Variants in EIF5B observed in about 807,000 individuals in gnomAD.
EIF5B encodes the protein eukaryotic translation initiation factor 5B.
Under a neutral mutation model 147.5 loss-of-function variants are expected in EIF5B, and 47 were observed. The ratio of observed to expected loss-of-function variants is 0.32; its 90% CI spans 0.25 to 0.41. EIF5B has a LOEUF of 0.41. Ranked by LOEUF, EIF5B falls within the 10% of genes least tolerant of loss-of-function variation. EIF5B has a pLI of 1.00. For synonymous variants in EIF5B, 455 were observed against 456.2 expected (o/e 1.00, Z 0.03); for missense variants, 1,064 against 1,413.2 (o/e 0.75, Z 3.96).
chr2:99,370,819 A>T (rs1461461065), intron 8 of EIF5B, among the ~76,000 whole-genome samples: 3 of 152,264 alleles, frequency 2.0e-5, no homozygotes, highest in Non-Finnish European at 4.4e-5. Context: ...TCTAAATAAT[A>T]TTCAGAATTT....
At chr2:99,351,298 T>G (rs1673947684) in intron 1 of EIF5B, among the ~76,000 whole-genome samples, 1 of 152,268 alleles carries the variant, frequency 6.6e-6, no homozygotes, top group South Asian at 2.1e-4. Context: ...TCCCTTTTGT[T>G]ACCCAGTAGT....
Position 99,401,057 on chromosome 2 carries a change from AAC to A in EIF5B, c.*1647_*1648del, listed in dbSNP as rs1675319587. ...GAATCTATGCTACAGTAAAATAATT[AAC>A]ACAATTATTTACATGCAATACTGAC... is the stretch of plus-strand genomic sequence containing the variant. On this transcript the variant is annotated 3_prime_UTR_variant, in exon 24 of 24. Transcript: ENST00000289371. 2.3e-6 allele frequency: 1 copy of A among 428,878 alleles called. No individual in the cohort carries two copies. Among genetic ancestry groups the A allele is most frequent in the Non-Finnish European group, 4.2e-6 (1 of 238,362 alleles). The allele number at this position is 428,878 out of a possible 1,614,324, so 26.6% of individuals were successfully genotyped here.
intron 1 of EIF5B, among the ~76,000 whole-genome samples, chr2:99,355,577 G>A (rs1327817297): frequency 7.3e-6 from 1 of 136,206 alleles, no homozygotes; most frequent in African/African-American, 2.7e-5. Context: ...TTCCCCCTCA[G>A]TTTTTCTGTT....
At chr2:99,363,991 C>A in intron 5 of EIF5B, 129 bp downstream of exon 5, 2 of 1,066,292 alleles carry the variant, frequency 1.9e-6, no homozygotes, top group East Asian at 2.5e-5. Context: ...ATTATTGTTC[C>A]GATACAAATA....
intron 6 of EIF5B, among the ~76,000 whole-genome samples, chr2:99,367,389 A>G (rs906706325): frequency 6.6e-6 from 1 of 151,964 alleles, no homozygotes; most frequent in Non-Finnish European, 1.5e-5. Flanking sequence ...AGAATGTTCT[A>G]AAAAAAGAGA....
chr2:99,376,698 ACT>A, intron 10 of EIF5B, 62 bp downstream of exon 10: 1 of 1,511,812 alleles, frequency 6.6e-7, no homozygotes, highest in Non-Finnish European at 8.8e-7. Flanking sequence ...TTAAAACAGT[ACT>A]CTACAACTAA....
rs1176869758 is a variant in EIF5B, at chr2:99,396,916, A to AT, written c.3393+20dup. 1 of 1,585,240 alleles carries AT rather than the reference A, an allele frequency of 6.3e-7. No individual in the cohort carries two copies. The highest frequency in any genetic ancestry group is 8.5e-7 in the Non-Finnish European group (1 of 1,170,902). On this transcript the variant is annotated intron_variant, in intron 22 of 23. Coordinates refer to ENST00000289371, the MANE Select transcript of EIF5B (RefSeq NM_015904.4). ...GCAAAAATGTAAGTTCTAGTTGTACATTCTGTGGGTCATTTCTTAAAGCAC... is the reference window on the plus strand; with the variant it reads ...GCAAAAATGTAAGTTCTAGTTGTACATTTCTGTGGGTCATTTCTTAAAGCAC...
intron 4 of EIF5B, among the ~76,000 whole-genome samples, chr2:99,362,483 G>A (rs1401653270): frequency 6.6e-6 from 1 of 151,974 alleles, no homozygotes; most frequent in Non-Finnish European, 1.5e-5. Context: ...GGCAGATCAC[G>A]AGGTCAGGAG....
intron 1 of EIF5B, among the ~76,000 whole-genome samples, chr2:99,349,531 A>T (rs773852630): frequency 2.0e-5 from 3 of 152,246 alleles, no homozygotes; most frequent in Non-Finnish European, 2.9e-5. Flanking sequence ...TGGTCTCAAG[A>T]TGAAGTATTT....
At chr2:99,377,246 A>T in intron 10 of EIF5B, among the ~76,000 whole-genome samples, 1 of 152,036 alleles carries the variant, frequency 6.6e-6, no homozygotes, top group East Asian at 1.9e-4. Context: ...GTGTATTATT[A>T]ATTTTTTAAT....
Position 99,401,000 on chromosome 2 carries a change from ATAAAACTT to A in EIF5B, c.*1589_*1596del, listed in dbSNP as rs1323203877. On this transcript the variant is annotated 3_prime_UTR_variant, in exon 24 of 24. Coordinates refer to ENST00000289371, the MANE Select transcript of EIF5B (RefSeq NM_015904.4). The stretch of plus-strand genomic sequence containing the variant: ...TGTAAACACTTCACTGTAAAAATCC[ATAAAACTT>A]TATAAACAAACATTTTGTAAATAGA... 12 of 292,630 alleles carry A rather than the reference ATAAAACTT, an allele frequency of 4.1e-5. No individual in the cohort carries two copies. The East Asian group carries it at 7.3e-4, about 18-fold the overall frequency. 18.1% of individuals were successfully genotyped at this position (292,630 alleles called of 1,614,324 possible).
intron 12 of EIF5B, among the ~76,000 whole-genome samples, chr2:99,380,681 T>C (rs1396462727): frequency 6.6e-6 from 1 of 152,226 alleles, no homozygotes; most frequent in Non-Finnish European, 1.5e-5. Context: ...GAGCATATGT[T>C]ATTATATGCT....
At chr2:99,376,202 T>C in intron 9 of EIF5B, 145 bp from the exon 10 acceptor site, 4 of 543,462 alleles carry the variant, frequency 7.4e-6, no homozygotes, top group Non-Finnish European at 1.3e-5. Context: ...TGTTAGTGTA[T>C]TTTATGTGTG....
chr2:99,382,083 G>A (rs990422529), intron 12 of EIF5B, 76 bp from the exon 13 acceptor site: 10 of 1,287,718 alleles, frequency 7.8e-6, no homozygotes, highest in African/African-American at 7.3e-5. Flanking sequence ...AGAGTTTTAT[G>A]GCAAAAGGAT....
At chr2:99,391,238 A>G (rs935391786) in intron 17 of EIF5B, among the ~76,000 whole-genome samples, 3 of 152,252 alleles carry the variant, frequency 2.0e-5, no homozygotes, top group East Asian at 1.9e-4. Flanking sequence ...GTGGATCATC[A>G]TAATGGTCCT....
chr2:99,364,466 C>G, intron 6 of EIF5B, 45 bp downstream of exon 6: 9 of 1,514,332 alleles, frequency 5.9e-6, no homozygotes, highest in Non-Finnish European at 7.1e-6. Context: ...GAGCTCTGCA[C>G]ATGCAGTTAT....
chr2:99,348,857 T>TGATTAGGAA (rs2094278476), intron 1 of EIF5B, among the ~76,000 whole-genome samples: 1 of 152,216 alleles, frequency 6.6e-6, no homozygotes, highest in Non-Finnish European at 1.5e-5. Flanking sequence ...GTCCTGGTAT[T>TGATTAGGAA]GATTAGGAAT....
chr2:99,361,044 T>C (rs1173458590), intron 3 of EIF5B, 104 bp from the exon 4 acceptor site: 1 of 1,115,700 alleles, frequency 9.0e-7, no homozygotes, highest in Non-Finnish European at 1.2e-6. Context: ...AAAAAGATTT[T>C]GAAATCATTT....
chr2:99,366,675 G>C (rs1674335566), intron 6 of EIF5B, among the ~76,000 whole-genome samples: 1 of 152,174 alleles, frequency 6.6e-6, no homozygotes, highest in Non-Finnish European at 1.5e-5. Context: ...CCAGTAATCT[G>C]TAGATTCAGT....
Sources: gnomAD v4.1 joint callset for allele counts (sites outside exome capture counted in the v4.1 genomes callset) on GRCh38, gnomAD v4.1.1 for gene constraint, MANE v1.5 for transcripts, NCBI Gene and HGNC (gene_info 2026-07-23, HGNC 2026-07-21) for gene names.